Variants in EDEM3 observed in about 807,000 individuals in gnomAD.
The protein encoded by EDEM3 is ER degradation enhancing alpha-mannosidase like protein 3, also known as ER degradation-enhancing alpha-mannosidase-like protein 3.
EDEM3 carries 60 observed loss-of-function variants against 110.2 expected under a neutral mutation model. That is an observed-to-expected ratio of 0.54 (90% CI 0.44 to 0.67). The LOEUF is 0.67. Among genes scored for constraint, EDEM3 ranks in the 30% least tolerant of loss-of-function variants. EDEM3 has a pLI of 0.00. For missense variants in EDEM3, 996 were observed against 1,121.0 expected, an observed-to-expected ratio of 0.89 and a Z score of 1.59; for synonymous variants, 352 against 382.9, an observed-to-expected ratio of 0.92 and a Z score of 0.94.
intron 19 of EDEM3, among the ~76,000 whole-genome samples, chr1:184,695,083 TTTTAAAATCCACTGGA>T: frequency 6.6e-6 from 1 of 152,174 alleles, no homozygotes; most frequent in South Asian, 2.1e-4. Context: ...GATATAGTCA[TTTTAAAATCCACTGGA>T]AGGCTGAAGA....
chr1:184,704,879 G>C (rs1340105139), intron 18 of EDEM3, among the ~76,000 whole-genome samples: 2 of 151,486 alleles, frequency 1.3e-5, no homozygotes, highest in Non-Finnish European at 2.9e-5. Context: ...CCAACATGGA[G>C]AAACCCCATC....
intron 11 of EDEM3, among the ~76,000 whole-genome samples, chr1:184,718,082 A>T (rs1650654571): frequency 6.6e-6 from 1 of 152,064 alleles, no homozygotes. Context: ...AAATGGCTAA[A>T]TCAAGCTAAT....
intron 1 of EDEM3, among the ~76,000 whole-genome samples, chr1:184,754,111 C>A (rs1479939241): frequency 2.0e-5 from 3 of 152,238 alleles, no homozygotes; most frequent in Non-Finnish European, 4.4e-5. Flanking sequence ...CAGTTGGAAG[C>A]TCACTTGCGC....
chr1:184,718,778 T>C (rs1220144169), intron 11 of EDEM3, among the ~76,000 whole-genome samples: 1 of 152,126 alleles, frequency 6.6e-6, no homozygotes, highest in Non-Finnish European at 1.5e-5. Context: ...ACTGTTTTCA[T>C]AAGACAAGCT....
rs559089182 is a variant in EDEM3, at chr1:184,742,852, A to T, written c.205-5141T>A. On this transcript the variant is annotated intron_variant, in intron 2 of 19. Transcript: ENST00000318130. ...CTTAGAAGAAATACAAAAATTTTTT[A>T]AAATTCCTAATGTATTTTGAAAGAA... 3.5e-4 allele frequency among the ~76,000 whole-genome samples: 53 copies of T among 152,346 alleles called. No homozygotes were observed. In the South Asian group the frequency reaches 3.5e-3, roughly 10 times the overall value.
intron 19 of EDEM3, among the ~76,000 whole-genome samples, chr1:184,699,752 G>T (rs1649516529): frequency 6.6e-6 from 1 of 151,650 alleles, no homozygotes; most frequent in Admixed American, 6.6e-5. Context: ...TTACCAGATA[G>T]AGACAAATAC....
chr1:184,726,142 T>G, intron 7 of EDEM3, 113 bp downstream of exon 7: 1 of 1,370,814 alleles, frequency 7.3e-7, no homozygotes, highest in Non-Finnish European at 9.7e-7. Context: ...GACAAAAAGT[T>G]CACTAAAATA....
chr1:184,717,506 T>C, intron 12 of EDEM3, 34 bp downstream of exon 12: 1 of 1,566,388 alleles, frequency 6.4e-7, no homozygotes, highest in Non-Finnish European at 8.7e-7. Context: ...GAATGGAGGC[T>C]AAACTTTAAG....
chr1:184,704,633 A>C (rs1261554946), intron 18 of EDEM3, among the ~76,000 whole-genome samples: 1 of 127,250 alleles, frequency 7.9e-6, no homozygotes, highest in African/African-American at 3.1e-5. Context: ...CTGGGTGACA[A>C]AGCAAGACTC....
chr1:184,718,387 C>T (rs187207400), intron 11 of EDEM3, among the ~76,000 whole-genome samples: 2 of 152,008 alleles, frequency 1.3e-5, no homozygotes, highest in African/African-American at 4.8e-5. Flanking sequence ...TTAATTGAAA[C>T]CTCAGTTTAT....
At chr1:184,723,884 AAG>A in intron 7 of EDEM3, 28 bp from the exon 8 acceptor site, 5 of 1,468,154 alleles carry the variant, frequency 3.4e-6, no homozygotes, top group South Asian at 2.6e-5. Flanking sequence ...AAAAAAAAAA[AAG>A]AAGTGCATAT....
rs750512301 is a variant in EDEM3, at chr1:184,734,560, T to A, written c.429A>T (p.Ser143=). ...GAACTCTGATGTTTGTTTCAAAGAC[T>A]GATACGACTACATCGTTATCTAAAT... ...DVNLDNDVVV[S]VFETNIRVLG... The change falls in exon 5 of 20, where the codon TCA becomes TCT. Residue 143 remains serine (S), a synonymous_variant. Transcript: ENST00000318130. 5 of 1,526,188 alleles carry A rather than the reference T, an allele frequency of 3.3e-6. No individual in the cohort carries two copies. The highest frequency in any genetic ancestry group is 2.8e-5 in the African/African-American group (2 of 71,562). The allele number at this position is 1,526,188 out of a possible 1,614,324, so 94.5% of individuals were successfully genotyped here. A position where few individuals can be genotyped will look rare whatever the true frequency, so the allele number is the denominator to read the frequency against.
intron 11 of EDEM3, among the ~76,000 whole-genome samples, chr1:184,718,400 T>G (rs913825646): frequency 8.5e-5 from 13 of 152,114 alleles, no homozygotes; most frequent in African/African-American, 2.9e-4. Flanking sequence ...CAGTTTATTC[T>G]GTATGGATAT....
intron 1 of EDEM3, among the ~76,000 whole-genome samples, chr1:184,752,384 T>G (rs1652819227): frequency 6.6e-6 from 1 of 152,204 alleles, no homozygotes; most frequent in African/African-American, 2.4e-5. Context: ...AATGCACAGG[T>G]AAACCTAATG....
chr1:184,699,640 G>A (rs148121710), intron 19 of EDEM3, among the ~76,000 whole-genome samples: 1 of 151,976 alleles, frequency 6.6e-6, no homozygotes, highest in East Asian at 1.9e-4. Flanking sequence ...ATCAAATTCA[G>A]TGGGGGATAA....
At chr1:184,701,496 C>G in intron 19 of EDEM3, 1 of 1,278,948 alleles carries the variant, frequency 7.8e-7, no homozygotes, top group Non-Finnish European at 1.0e-6. Flanking sequence ...AAGATACTTA[C>G]TACTATTAAT....
At chr1:184,750,488 CA>C (rs1250686904) in intron 1 of EDEM3, among the ~76,000 whole-genome samples, 1 of 151,250 alleles carries the variant, frequency 6.6e-6, no homozygotes, top group Non-Finnish European at 1.5e-5. Context: ...CAAAGGAAAA[CA>C]CAGCTTAACA....
intron 19 of EDEM3, among the ~76,000 whole-genome samples, chr1:184,700,980 GT>G (rs1649589666): frequency 6.6e-6 from 1 of 151,866 alleles, no homozygotes; most frequent in South Asian, 2.1e-4. Flanking sequence ...ATAGACTAAA[GT>G]TTTCAAAAAA....
At chr1:184,743,434 C>T (rs772989634) in intron 2 of EDEM3, among the ~76,000 whole-genome samples, 1 of 151,604 alleles carries the variant, frequency 6.6e-6, no homozygotes, top group Admixed American at 6.6e-5. Context: ...GATGAGAGTC[C>T]TATATAAATT....
Sources: gnomAD v4.1 joint callset for allele counts (sites outside exome capture counted in the v4.1 genomes callset) on GRCh38, gnomAD v4.1.1 for gene constraint, MANE v1.5 for transcripts, NCBI Gene and HGNC (gene_info 2026-07-23, HGNC 2026-07-21) for gene names.